ITGA8: variants seen among roughly 807,000 people sequenced by gnomAD.
The protein encoded by ITGA8 is integrin subunit alpha 8.
Under a neutral mutation model 142.3 loss-of-function variants are expected in ITGA8, and 91 were observed. That is an observed-to-expected ratio of 0.64 (90% CI 0.54 to 0.76). The LOEUF is 0.76. Ranked by LOEUF, ITGA8 falls within the 30% of genes least tolerant of loss-of-function variation. ITGA8 has a pLI of 0.00. For synonymous variants in ITGA8, 505 were observed against 485.2 expected, an observed-to-expected ratio of 1.04 and a Z score of -0.54; for missense variants, 1,406 against 1,327.7, an observed-to-expected ratio of 1.06 and a Z score of -0.92.
Position 15,692,022 on chromosome 10 carries a change from G to A in ITGA8, c.344-3984C>T, listed in dbSNP as rs139732066. Reference sequence around the variant, plus strand: ...CACGATCACAGTTCACTGCAGCCTCGACTTCTCTGGGCTCAAGTGATCCTC... The same window carrying A: ...CACGATCACAGTTCACTGCAGCCTCAACTTCTCTGGGCTCAAGTGATCCTC... On this transcript the variant is annotated intron_variant, in intron 2 of 29. Coordinates refer to ENST00000378076, the MANE Select transcript of ITGA8 (RefSeq NM_003638.3). Among the ~76,000 whole-genome samples, 1,377 of 152,054 alleles carry A rather than the reference G, an allele frequency of 9.1e-3. 18 individuals carry two copies. Among genetic ancestry groups the A allele is most frequent in the Middle Eastern group, 0.024 (7 of 294 alleles).
chr10:15,630,289 A>G (rs1391833620), intron 13 of ITGA8, among the ~76,000 whole-genome samples: 1 of 152,090 alleles, frequency 6.6e-6, no homozygotes, highest in East Asian at 1.9e-4. Context: ...ATTTATATAC[A>G]AGGTGTGCAG....
intron 27 of ITGA8, among the ~76,000 whole-genome samples, chr10:15,537,021 G>C (rs7910674): frequency 0.2 from 30,131 of 152,122 alleles, 4,035 homozygotes; most frequent in African/African-American, 0.38. Context: ...TAAGGAATTA[G>C]TGGCAAAACT....
At chr10:15,690,848 C>G (rs955236769) in intron 2 of ITGA8, among the ~76,000 whole-genome samples, 4 of 151,976 alleles carry the variant, frequency 2.6e-5, no homozygotes, top group African/African-American at 9.7e-5. Context: ...CCAATGCACG[C>G]TACCCAACCA....
At chr10:15,565,729 G>A (rs998338863) in intron 25 of ITGA8, among the ~76,000 whole-genome samples, 48 of 151,384 alleles carry the variant, frequency 3.2e-4, no homozygotes, top group Admixed American at 2.9e-3. Context: ...AGCTGGGATT[G>A]CAGGCACCCA....
Position 15,604,222 on chromosome 10 carries a change from C to T in ITGA8, c.2104G>A (p.Glu702Lys), listed in dbSNP as rs375110710. ...IPEEADYVGI[E>K]RNNKGFRPLS... The stretch of plus-strand genomic sequence containing the variant: ...GCAGGCATTACCTTGTTGTTGCGTT[C>T]GATTCCAACATAATCTGCCTCTTCT... The change falls in exon 20 of 30, where the codon GAA becomes AAA. Residue 702 changes from glutamate to lysine, a missense_variant. Physicochemically the swap from Glu to Lys is moderately conservative, Grantham distance 56. Coordinates refer to ENST00000378076, the MANE Select transcript of ITGA8 (RefSeq NM_003638.3). 1.6e-5 allele frequency: 26 copies of T among 1,610,084 alleles called. No homozygotes were observed. Among genetic ancestry groups the T allele is most frequent in the South Asian group, 2.2e-5 (2 of 89,872 alleles).
intron 17 of ITGA8, 36 bp from the exon 18 acceptor site, chr10:15,606,458 A>G (rs569314809): frequency 3.8e-6 from 6 of 1,566,932 alleles, no homozygotes; most frequent in East Asian, 2.3e-5. Flanking sequence ...CAGAGGCTCC[A>G]TGAAATAGCT....
chr10:15,652,287 G>A (rs767205477), intron 11 of ITGA8, among the ~76,000 whole-genome samples: 1 of 152,218 alleles, frequency 6.6e-6, no homozygotes, highest in Non-Finnish European at 1.5e-5. Context: ...AGGGCATAAG[G>A]CGAAGCTTGG....
intron 2 of ITGA8, among the ~76,000 whole-genome samples, chr10:15,698,574 T>C (rs998821664): frequency 1.3e-5 from 2 of 152,156 alleles, no homozygotes; most frequent in Non-Finnish European, 2.9e-5. Flanking sequence ...CCAACATCTA[T>C]TTTTTTAAAA....
intron 14 of ITGA8, 114 bp from the exon 15 acceptor site, chr10:15,613,881 T>C (rs930695741): frequency 1.3e-5 from 9 of 684,328 alleles, no homozygotes; most frequent in Admixed American, 1.0e-4. Context: ...CCACAGGCCA[T>C]TGCCAACGTT....
intron 22 of ITGA8, 37 bp from the exon 23 acceptor site, chr10:15,586,701 T>C (rs777899327): frequency 3.5e-5 from 42 of 1,183,800 alleles, no homozygotes; most frequent in Non-Finnish European, 4.6e-5. Flanking sequence ...ATCTATCTGC[T>C]CAGGAGTATT....
chr10:15,655,609 C>T (rs1025478995), intron 10 of ITGA8, among the ~76,000 whole-genome samples: 2 of 152,144 alleles, frequency 1.3e-5, no homozygotes, highest in African/African-American at 4.8e-5. Context: ...ATAACCCTGA[C>T]ATCTGCTTGG....
intron 29 of ITGA8, among the ~76,000 whole-genome samples, chr10:15,518,364 T>C (rs1181699840): frequency 6.6e-6 from 1 of 152,230 alleles, no homozygotes; most frequent in African/African-American, 2.4e-5. Context: ...ACAGTTACTA[T>C]GAGTGACAGA....
chr10:15,610,602 T>C (rs947341336), intron 15 of ITGA8, among the ~76,000 whole-genome samples: 4 of 152,208 alleles, frequency 2.6e-5, no homozygotes, highest in Admixed American at 6.5e-5. Flanking sequence ...GGCAGGGTGA[T>C]ACACTACATG....
In ITGA8 at chr10:15,644,140, T is replaced by A. The variant is rs1424302733; in HGVS notation, c.1289A>T (p.Asn430Ile). 2.5e-6 allele frequency: 4 copies of A among 1,614,038 alleles called. No homozygotes were observed. In the South Asian group the frequency reaches 4.4e-5, roughly 18 times the overall value. The change falls in exon 13 of 30, where the codon AAC becomes ATC. Residue 430 changes from asparagine (N) to isoleucine (I), a missense_variant. Transcript: ENST00000378076. ...LIYNGNKDGL[N>I]TKPSQVLQGV... is the part of the protein sequence containing the mutation. ...TTGCAGAACTTGGGAAGGCTTGGTGTTTAAGCCATCTTTGTTCCCATTATA... is the reference window on the plus strand; with the variant it reads ...TTGCAGAACTTGGGAAGGCTTGGTGATTAAGCCATCTTTGTTCCCATTATA...
chr10:15,534,471 T>G lies in ITGA8; in HGVS notation c.2881-3320A>C, dbSNP rs181680927. 9.9e-4 allele frequency among the ~76,000 whole-genome samples: 151 copies of G among 152,322 alleles called. 1 individual carries two copies. The highest frequency in any genetic ancestry group is 3.5e-3 in the African/African-American group (144 of 41,566). The stretch of plus-strand genomic sequence containing the variant: ...CCTAGAACAATGTGCACAGGAGAGC[T>G]TGCTTAATCAATACTGGATCTCTGA... On this transcript the variant is annotated intron_variant, in intron 27 of 29. Transcript: ENST00000378076.
chr10:15,665,202 G>A lies in ITGA8; in HGVS notation c.848-4280C>T, dbSNP rs532449702. ...GTTGTTTCCTGACTTGTTAATGATCGCCATTCTAACTATTGTGAGATGGTA... is the reference window on the plus strand; with the variant it reads ...GTTGTTTCCTGACTTGTTAATGATCACCATTCTAACTATTGTGAGATGGTA... On this transcript the variant is annotated intron_variant, in intron 8 of 29. Transcript: ENST00000378076. Among the ~76,000 whole-genome samples the A allele has an allele frequency of 3.3e-3, 498 of 152,224 alleles. 4 individuals are homozygous for A. Among genetic ancestry groups the A allele is most frequent in the Admixed American group, 5.2e-3 (80 of 15,280 alleles).
chr10:15,620,859 A>G (rs1266673318), intron 13 of ITGA8, among the ~76,000 whole-genome samples: 4 of 152,230 alleles, frequency 2.6e-5, no homozygotes, highest in African/African-American at 4.8e-5. Flanking sequence ...ACATACATTT[A>G]TATTTATGCT....
intron 13 of ITGA8, among the ~76,000 whole-genome samples, chr10:15,631,710 T>C (rs1220600649): frequency 7.4e-6 from 1 of 135,546 alleles, no homozygotes; most frequent in Non-Finnish European, 1.6e-5. Context: ...GAACTTAAAG[T>C]ATATTAAGAA....
chr10:15,570,985 G>T (rs905631744), intron 25 of ITGA8, among the ~76,000 whole-genome samples: 2 of 152,124 alleles, frequency 1.3e-5, no homozygotes, highest in Non-Finnish European at 2.9e-5. Context: ...TGCATTTGCA[G>T]ATGTTATTTT....
Sources: allele counts gnomAD v4.1 joint callset (sites outside exome capture counted in the v4.1 genomes callset), GRCh38; gene constraint gnomAD v4.1.1; transcripts MANE v1.5; gene names NCBI Gene and HGNC (gene_info 2026-07-23, HGNC 2026-07-21).